Variants in DOCK4 observed in about 807,000 individuals in gnomAD.
The protein encoded by DOCK4 is dedicator of cytokinesis 4.
DOCK4 carries 97 observed loss-of-function variants against 268.1 expected under a neutral mutation model. That is an observed-to-expected ratio of 0.36 (90% CI 0.31 to 0.43). DOCK4 has a LOEUF of 0.43. DOCK4 is among the 20% of genes least tolerant of loss of function. The pLI is 1.00. For missense variants in DOCK4, 2,145 were observed against 2,455.7 expected, an observed-to-expected ratio of 0.87 and a Z score of 2.67; for synonymous variants, 954 against 887.2, an observed-to-expected ratio of 1.08 and a Z score of -1.34.
At chr7:111,799,796 T>C (rs901362753) in intron 30 of DOCK4, among the ~76,000 whole-genome samples, 1 of 152,234 alleles carries the variant, frequency 6.6e-6, no homozygotes, top group Admixed American at 6.5e-5. Context: ...GGGATTGCAT[T>C]TGTAACTTTA....
At chr7:111,867,249 T>C (rs1339639051) in intron 22 of DOCK4, among the ~76,000 whole-genome samples, 1 of 152,248 alleles carries the variant, frequency 6.6e-6, no homozygotes, top group Non-Finnish European at 1.5e-5. Context: ...TCCCTTTTTA[T>C]GTCCCAGTTC....
intron 1 of DOCK4, among the ~76,000 whole-genome samples, chr7:112,006,669 A>C (rs1173371141): frequency 6.6e-6 from 1 of 152,220 alleles, no homozygotes; most frequent in Admixed American, 6.5e-5. Flanking sequence ...TGCCAGTCGC[A>C]AATTCTGAGT....
At chr7:112,193,187 G>A (rs1445371604) in intron 1 of DOCK4, among the ~76,000 whole-genome samples, 1 of 152,136 alleles carries the variant, frequency 6.6e-6, no homozygotes, top group Admixed American at 6.5e-5. Context: ...TCTTTTGGTT[G>A]CTTTGAAGGC....
chr7:111,739,657 G>A, intron 47 of DOCK4, 180 bp from the exon 48 acceptor site: 1 of 605,090 alleles, frequency 1.7e-6, no homozygotes, highest in Admixed American at 2.9e-5. Flanking sequence ...TGAAAAGTCT[G>A]AGATTTTGAC....
intron 47 of DOCK4, chr7:111,740,316 T>C: frequency 4.5e-6 from 1 of 223,856 alleles, no homozygotes; most frequent in Non-Finnish European, 9.2e-6. Flanking sequence ...GCCAGGATGG[T>C]CTCGAACTCC....
chr7:111,741,987 C>T (rs960021803), intron 45 of DOCK4, 26 bp downstream of exon 45: 11 of 1,535,554 alleles, frequency 7.2e-6, no homozygotes, highest in Middle Eastern at 3.5e-4. Flanking sequence ...CAGGCTGCCC[C>T]GCCATGGACA....
chr7:111,902,756 T>C (rs960714920), intron 13 of DOCK4, among the ~76,000 whole-genome samples: 2 of 152,048 alleles, frequency 1.3e-5, no homozygotes, highest in African/African-American at 4.8e-5. Flanking sequence ...AATACTGTTT[T>C]CTTTTTTCTT....
At chr7:111,896,658 A>T (rs1808786927) in intron 15 of DOCK4, among the ~76,000 whole-genome samples, 1 of 152,108 alleles carries the variant, frequency 6.6e-6, no homozygotes. Flanking sequence ...TTGAACAGAC[A>T]AGTTCAACTT....
chr7:111,979,635 G>C (rs571372405), intron 7 of DOCK4, among the ~76,000 whole-genome samples: 11 of 151,996 alleles, frequency 7.2e-5, no homozygotes, highest in African/African-American at 2.4e-4. Flanking sequence ...TACTTAAAAG[G>C]GTAACAGAGC....
intron 1 of DOCK4, among the ~76,000 whole-genome samples, chr7:112,148,325 G>C (rs1815712130): frequency 6.6e-6 from 1 of 152,196 alleles, no homozygotes; most frequent in African/African-American, 2.4e-5. Flanking sequence ...GAATGGCTTA[G>C]AGCCAGGACT....
At chr7:111,919,865 A>G (rs1249495720) in intron 12 of DOCK4, among the ~76,000 whole-genome samples, 1 of 152,214 alleles carries the variant, frequency 6.6e-6, no homozygotes, top group Non-Finnish European at 1.5e-5. Context: ...ACCAGACCAC[A>G]AAGAGCCATT....
At chr7:111,841,404 G>A (rs1368510944) in intron 25 of DOCK4, among the ~76,000 whole-genome samples, 1 of 151,970 alleles carries the variant, frequency 6.6e-6, no homozygotes, top group African/African-American at 2.4e-5. Context: ...CAAGCAATAC[G>A]CCCGCCTTGG....
intron 1 of DOCK4, among the ~76,000 whole-genome samples, chr7:112,183,467 C>T (rs1819230314): frequency 6.6e-6 from 1 of 152,202 alleles, no homozygotes; most frequent in Non-Finnish European, 1.5e-5. Context: ...GGCTTTCATG[C>T]CTTAGCTGAA....
intron 28 of DOCK4, among the ~76,000 whole-genome samples, chr7:111,810,668 C>A (rs550593547): frequency 1.3e-5 from 2 of 152,064 alleles, no homozygotes; most frequent in Non-Finnish European, 2.9e-5. Context: ...TACAACCTTT[C>A]ACTCAACAAT....
chr7:111,756,758 A>AC (rs1797049622), intron 41 of DOCK4, among the ~76,000 whole-genome samples: 1 of 134,074 alleles, frequency 7.5e-6, no homozygotes, highest in Non-Finnish European at 1.7e-5. Context: ...AAACCACAAC[A>AC]AAAAAAAAAA....
At chr7:111,770,414 A>G (rs1798062648) in intron 36 of DOCK4, among the ~76,000 whole-genome samples, 1 of 152,018 alleles carries the variant, frequency 6.6e-6, no homozygotes. Flanking sequence ...AATCTTCTGT[A>G]AAGAATACTG....
chr7:111,868,663 A>G (rs1312272400), intron 21 of DOCK4, among the ~76,000 whole-genome samples: 1 of 151,982 alleles, frequency 6.6e-6, no homozygotes, highest in Non-Finnish European at 1.5e-5. Context: ...TGAGCAGAGA[A>G]TGCACCATTG....
chr7:111,738,494 C>T (rs1375363759), intron 49 of DOCK4, among the ~76,000 whole-genome samples: 1 of 152,248 alleles, frequency 6.6e-6, no homozygotes. Context: ...ACTTCTGTTA[C>T]ATACACAGGG....
chr7:112,195,272 C>G (rs1162949969), intron 1 of DOCK4, among the ~76,000 whole-genome samples: 2 of 152,134 alleles, frequency 1.3e-5, no homozygotes, highest in African/African-American at 2.4e-5. Flanking sequence ...GAATGAGACT[C>G]CATCTCAAAA....
Sources: allele counts gnomAD v4.1 joint callset (sites outside exome capture counted in the v4.1 genomes callset), GRCh38; gene constraint gnomAD v4.1.1; transcripts MANE v1.5; gene names NCBI Gene and HGNC (gene_info 2026-07-23, HGNC 2026-07-21).